The following MACROD1 variants were observed in gnomAD, a reference collection of about 807,000 sequenced individuals.
MACROD1 encodes mono-ADP ribosylhydrolase 1.
MACROD1 carries 31 observed loss-of-function variants against 41.4 expected under a neutral mutation model. The ratio of observed to expected loss-of-function variants is 0.75; its 90% CI spans 0.56 to 1.01. The LOEUF is 1.01. Ranked by LOEUF, MACROD1 falls within the 50% of genes least tolerant of loss-of-function variation. The probability of loss-of-function intolerance (pLI) is 0.00; values close to 1 mark genes in which losing one functional copy is unlikely to be tolerated. For synonymous variants in MACROD1, 252 were observed against 203.4 expected (o/e 1.24, Z -2.03); for missense variants, 473 against 460.0 (o/e 1.03, Z -0.26).
At chr11:64,130,005 G>A (rs921851711) in intron 3 of MACROD1, among the ~76,000 whole-genome samples, 5 of 152,174 alleles carry the variant, frequency 3.3e-5, no homozygotes, top group Admixed American at 2.6e-4. Context: ...CAAAGGCACT[G>A]CAGGGGACCT....
intron 3 of MACROD1, among the ~76,000 whole-genome samples, chr11:64,028,611 A>G (rs1469793906): frequency 6.6e-6 from 1 of 152,166 alleles, no homozygotes; most frequent in South Asian, 2.1e-4. Flanking sequence ...CCTCCTCGGC[A>G]GCGGCAGCGT....
At chr11:64,112,020 G>A (rs1210157445) in intron 3 of MACROD1, among the ~76,000 whole-genome samples, 1 of 152,230 alleles carries the variant, frequency 6.6e-6, no homozygotes, top group African/African-American at 2.4e-5. Context: ...CAGCCCTGGG[G>A]TGGAATCCAG....
intron 3 of MACROD1, among the ~76,000 whole-genome samples, chr11:64,016,655 G>A (rs917402504): frequency 6.6e-6 from 1 of 152,246 alleles, no homozygotes; most frequent in African/African-American, 2.4e-5. Context: ...TAATTCCACC[G>A]CCCAAAAACC....
chr11:64,126,050 A>T (rs1449333313), intron 3 of MACROD1, among the ~76,000 whole-genome samples: 1 of 152,142 alleles, frequency 6.6e-6, no homozygotes, highest in Non-Finnish European at 1.5e-5. Flanking sequence ...CAGGCTTGCA[A>T]TGTTCTGAGC....
intron 3 of MACROD1, among the ~76,000 whole-genome samples, chr11:64,057,820 G>A (rs1943818135): frequency 6.6e-6 from 1 of 152,238 alleles, no homozygotes; most frequent in South Asian, 2.1e-4. Context: ...CGCGGGTCCA[G>A]CAGGCAGCAG....
intron 3 of MACROD1, chr11:64,118,300 C>T: frequency 6.5e-7 from 1 of 1,543,290 alleles, no homozygotes; most frequent in Non-Finnish European, 8.8e-7. Context: ...TGATGCCCGC[C>T]CACCCGGGCT....
intron 3 of MACROD1, among the ~76,000 whole-genome samples, chr11:64,051,393 C>T (rs751384142): frequency 7.2e-5 from 11 of 152,152 alleles, no homozygotes; most frequent in Admixed American, 2.6e-4. Flanking sequence ...GGGACTCTGG[C>T]GGCTTGGCCT....
chr11:64,072,993 C>T (rs1398371035), intron 3 of MACROD1, among the ~76,000 whole-genome samples: 1 of 152,180 alleles, frequency 6.6e-6, no homozygotes, highest in African/African-American at 2.4e-5. Flanking sequence ...GTCCTGCAGC[C>T]CAGAGAGGGG....
chr11:64,094,389 C>G (rs1944540421), intron 3 of MACROD1, among the ~76,000 whole-genome samples: 1 of 151,436 alleles, frequency 6.6e-6, no homozygotes, highest in Non-Finnish European at 1.5e-5. Flanking sequence ...TGAGATCATG[C>G]CACTGCACTC....
chr11:64,091,072 G>A (rs1017444923), intron 3 of MACROD1, among the ~76,000 whole-genome samples: 3 of 148,418 alleles, frequency 2.0e-5, no homozygotes, highest in African/African-American at 7.4e-5. Context: ...AGAAGATGAG[G>A]AGGGACATGG....
chr11:64,147,620 G>C (rs1214905998), intron 3 of MACROD1, among the ~76,000 whole-genome samples: 3 of 151,646 alleles, frequency 2.0e-5, no homozygotes, highest in Non-Finnish European at 4.4e-5. Flanking sequence ...ATGGGATTTC[G>C]CCATGTTGGC....
At chr11:64,061,749 G>C (rs1943907651) in intron 3 of MACROD1, among the ~76,000 whole-genome samples, 1 of 151,330 alleles carries the variant, frequency 6.6e-6, no homozygotes. Context: ...ACCCAAGCTG[G>C]AGTGCAATGG....
chr11:64,093,951 G>A (rs1189753866), intron 3 of MACROD1, among the ~76,000 whole-genome samples: 5 of 152,212 alleles, frequency 3.3e-5, no homozygotes, highest in Non-Finnish European at 2.9e-5. Flanking sequence ...AGAAGCAGAG[G>A]ATAGCTGGCT....
intron 3 of MACROD1, among the ~76,000 whole-genome samples, chr11:64,043,054 C>T (rs1341974888): frequency 2.0e-5 from 3 of 152,192 alleles, no homozygotes; most frequent in Non-Finnish European, 4.4e-5. Flanking sequence ...TCGAAGCCCA[C>T]CTTTGTTACT....
chr11:64,055,602 C>T (rs574699676), intron 3 of MACROD1, among the ~76,000 whole-genome samples: 7 of 152,360 alleles, frequency 4.6e-5, no homozygotes, highest in African/African-American at 1.7e-4. Context: ...AGGCAGCCAG[C>T]CCAGCAGAGG....
At chr11:64,147,775 C>T (rs769997836) in intron 3 of MACROD1, among the ~76,000 whole-genome samples, 25 of 151,194 alleles carry the variant, frequency 1.7e-4, no homozygotes, top group Non-Finnish European at 3.7e-4. Flanking sequence ...TAGGGTCTCA[C>T]TCTGTCACCC....
At chr11:64,110,028 G>A (rs2325787) in intron 3 of MACROD1, among the ~76,000 whole-genome samples, 52,111 of 151,978 alleles carry the variant, frequency 0.34, 11,286 homozygotes, top group Non-Finnish European at 0.48. Flanking sequence ...ACACTCAGGA[G>A]GGGGTACTCT....
intron 3 of MACROD1, chr11:64,148,639 T>C (rs1293574994): frequency 1.3e-6 from 1 of 749,914 alleles, no homozygotes; most frequent in African/African-American, 1.9e-5. Context: ...TCAAATAGAA[T>C]TTAATGGACA....
At chr11:64,139,429 G>C (rs746091915) in intron 3 of MACROD1, among the ~76,000 whole-genome samples, 3 of 152,156 alleles carry the variant, frequency 2.0e-5, no homozygotes, top group Non-Finnish European at 2.9e-5. Context: ...GTCCTTCCAG[G>C]GGCAGGCATG....
Sources: gnomAD v4.1 joint callset for allele counts (sites outside exome capture counted in the v4.1 genomes callset) on GRCh38, gnomAD v4.1.1 for gene constraint, MANE v1.5 for transcripts, NCBI Gene and HGNC (gene_info 2026-07-23, HGNC 2026-07-21) for gene names.